PRRC2B: variants seen among roughly 807,000 people sequenced by gnomAD.
PRRC2B encodes protein PRRC2B.
PRRC2B carries 68 observed loss-of-function variants against 242.3 expected under a neutral mutation model. That is an observed-to-expected ratio of 0.28 (90% CI 0.23 to 0.34). PRRC2B has a LOEUF of 0.34. Ranked by LOEUF, PRRC2B falls within the 10% of genes least tolerant of loss-of-function variation. PRRC2B has a pLI of 1.00. For synonymous variants in PRRC2B, 1,228 were observed against 1,173.6 expected (o/e 1.05, Z -0.95); for missense variants, 2,835 against 2,954.8 (o/e 0.96, Z 0.94).
intron 1 of PRRC2B, among the ~76,000 whole-genome samples, chr9:131,405,457 C>A (rs1837335990): frequency 6.6e-6 from 1 of 152,150 alleles, no homozygotes; most frequent in Non-Finnish European, 1.5e-5. Context: ...TGTTAATATT[C>A]ATTGCTGTTG....
At chr9:131,458,665 G>A (rs1943154038) in intron 10 of PRRC2B, among the ~76,000 whole-genome samples, 1 of 152,004 alleles carries the variant, frequency 6.6e-6, no homozygotes, top group Admixed American at 6.6e-5. Context: ...ACCACACCTG[G>A]CTAATTTTTG....
chr9:131,485,278 G>A, intron 25 of PRRC2B, 138 bp downstream of exon 25: 1 of 701,916 alleles, frequency 1.4e-6, no homozygotes, highest in South Asian at 1.9e-5. Context: ...TAGGCCCAGT[G>A]GTCGTAGCTC....
At chr9:131,398,495 G>T (rs191865764) in intron 1 of PRRC2B, among the ~76,000 whole-genome samples, 1 of 152,290 alleles carries the variant, frequency 6.6e-6, no homozygotes, top group East Asian at 1.9e-4. Context: ...ACTTCCTTCC[G>T]TTCTTACCTC....
intron 12 of PRRC2B, among the ~76,000 whole-genome samples, chr9:131,465,547 A>G (rs541840882): frequency 1.3e-4 from 20 of 152,302 alleles, no homozygotes; most frequent in Middle Eastern, 3.4e-3. Context: ...GAAACCATGC[A>G]TCTACTCACT....
chr9:131,388,517 G>T (rs773876508), intron 1 of PRRC2B, among the ~76,000 whole-genome samples: 31 of 149,552 alleles, frequency 2.1e-4, no homozygotes, highest in Non-Finnish European at 4.2e-4. Context: ...TGGGATTACA[G>T]ACGTGTGCCA....
chr9:131,470,385 G>A (rs1447919689), intron 13 of PRRC2B, among the ~76,000 whole-genome samples: 2 of 152,164 alleles, frequency 1.3e-5, no homozygotes, highest in African/African-American at 4.8e-5. Context: ...GGCCTGGAGG[G>A]AGCAGGGAAG....
Position 131,464,884 on chromosome 9 carries a change from G to A in PRRC2B, c.1526G>A (p.Arg509His), listed in dbSNP as rs745494558. The A allele has an allele frequency of 3.1e-6, 5 of 1,613,704 alleles. No homozygotes were observed. Among genetic ancestry groups the A allele is most frequent in the South Asian group, 1.1e-5 (1 of 91,066 alleles). Reference protein sequence around the residue: ...MSEAVERARKRREEEERRARE... With the variant: ...MSEAVERARKHREEEERRARE... ...GAGGCGGTGGAGCGAGCCCGAAAGC[G>A]CCGGGAAGAAGAGGAGCGCCGAGCC... is the stretch of plus-strand genomic sequence containing the variant. The change falls in exon 12 of 32, where the codon CGC becomes CAC. Residue 509 changes from arginine to histidine, a missense_variant. By Grantham distance (29) the Arg-to-His change is conservative. Transcript: ENST00000683519.
At chr9:131,485,431 G>A (rs1438895260) in intron 25 of PRRC2B, among the ~76,000 whole-genome samples, 3 of 152,204 alleles carry the variant, frequency 2.0e-5, no homozygotes, top group Non-Finnish European at 4.4e-5. Context: ...ATGTGCTGGA[G>A]CCGTGTCGCC....
At position 131,475,066 on chromosome 9, in the gene PRRC2B, G is replaced by C. The variant is rs531187839; in HGVS notation, c.2937G>C (p.Gln979His). Residue 979 changes from glutamine to histidine, a missense_variant, in exon 16 of 32, where the codon CAG becomes CAC. Transcript: ENST00000683519. ...ESTRLAKEKE[Q>H]SPTAEKDEDE... ...CCCGGCTGGCCAAGGAGAAGGAGCA[G>C]AGCCCCACGGCAGAAAAGGATGAGG... The C allele has an allele frequency of 1.2e-6, 2 of 1,611,004 alleles. No homozygotes were observed.
rs200587216 is a variant in PRRC2B, at chr9:131,470,300, AG to A, written c.1912-484del. ...GAACCACTGAAGGCTCTTTTGAGCT[AG>A]GGGTTGACATATTGGGCGTGGGGTG... On this transcript the variant is annotated intron_variant, in intron 13 of 31. Coordinates refer to ENST00000683519, the MANE Select transcript of PRRC2B (RefSeq NM_013318.4). Among the ~76,000 whole-genome samples the A allele has an allele frequency of 2.0e-3, 312 of 152,258 alleles. 6 individuals are homozygous for A. In the East Asian group the frequency reaches 0.046, roughly 23 times the overall value.
intron 1 of PRRC2B, among the ~76,000 whole-genome samples, chr9:131,403,388 G>A (rs1447306186): frequency 1.3e-5 from 2 of 151,754 alleles, no homozygotes; most frequent in Non-Finnish European, 2.9e-5. Flanking sequence ...GTCTTGCTCT[G>A]TTGCCCAGGC....
intron 15 of PRRC2B, among the ~76,000 whole-genome samples, chr9:131,473,997 C>T (rs1943615943): frequency 6.6e-6 from 1 of 152,154 alleles, no homozygotes; most frequent in Non-Finnish European, 1.5e-5. Flanking sequence ...GTGGGGGCTT[C>T]ACAAGGCAGG....
In PRRC2B at chr9:131,475,564, C is replaced by T; in HGVS notation, c.3435C>T (p.Pro1145=). The T allele has an allele frequency of 6.2e-7, 1 of 1,612,826 alleles. No individual in the cohort carries two copies. ...HSEGSEYEEL[P]KRRRQRGSEN... is the part of the protein sequence containing the mutation. Reference sequence around the variant, plus strand: ...AGGGCTCAGAGTATGAAGAACTTCCCAAGCGCCGCCGGCAGAGGGGCTCCG... The same window carrying T: ...AGGGCTCAGAGTATGAAGAACTTCCTAAGCGCCGCCGGCAGAGGGGCTCCG... The change falls in exon 16 of 32, where the codon CCC becomes CCT. Residue 1145 remains proline, a synonymous_variant. Coordinates refer to ENST00000683519, the MANE Select transcript of PRRC2B (RefSeq NM_013318.4).
At chr9:131,490,392 C>T (rs2131480986) in intron 28 of PRRC2B, 1 of 512,878 alleles carries the variant, frequency 1.9e-6, no homozygotes, top group Non-Finnish European at 3.9e-6. Flanking sequence ...AGTCAGCACT[C>T]TATAAATGGC....
intron 1 of PRRC2B, among the ~76,000 whole-genome samples, chr9:131,404,790 T>C (rs1837323421): frequency 6.6e-6 from 1 of 152,248 alleles, no homozygotes; most frequent in South Asian, 2.1e-4. Flanking sequence ...TGGGTATACT[T>C]GATTTAACCT....
At chr9:131,394,597 GGGCCGGGCTGCAGA>G (rs1836990617) in intron 1 of PRRC2B, among the ~76,000 whole-genome samples, 1 of 151,074 alleles carries the variant, frequency 6.6e-6, no homozygotes, top group Non-Finnish European at 1.5e-5. Flanking sequence ...CCCCGAGGCC[GGGCCGGGCTGCAGA>G]GGCCGGAGGG....
chr9:131,470,772 C>T lies in PRRC2B; in HGVS notation c.1912-16C>T. On this transcript the variant is annotated splice_polypyrimidine_tract_variant and intron_variant, in intron 13 of 31. Coordinates refer to ENST00000683519, the MANE Select transcript of PRRC2B (RefSeq NM_013318.4). Reference sequence around the variant, plus strand: ...GCCGCACCAGCCTGACCAAGTCTCTCTCTCTCTGTGGGCAGGAGCAGCTGT... The same window carrying T: ...GCCGCACCAGCCTGACCAAGTCTCTTTCTCTCTGTGGGCAGGAGCAGCTGT... The T allele has an allele frequency of 6.2e-7, 1 of 1,608,692 alleles. No individual in the cohort carries two copies. The highest frequency in any genetic ancestry group is 8.5e-7 in the Non-Finnish European group (1 of 1,176,976).
At chr9:131,402,426 A>T (rs575393787) in intron 1 of PRRC2B, among the ~76,000 whole-genome samples, 19 of 152,354 alleles carry the variant, frequency 1.2e-4, no homozygotes, top group African/African-American at 4.6e-4. Flanking sequence ...GTCAGAACTA[A>T]CTTCATTCTT....
chr9:131,409,974 G>A (rs1458903116), intron 1 of PRRC2B, among the ~76,000 whole-genome samples: 1 of 152,220 alleles, frequency 6.6e-6, no homozygotes, highest in African/African-American at 2.4e-5. Context: ...AAAGGAAGGA[G>A]TAACTGAAAG....
Sources: gnomAD v4.1 joint callset for allele counts (sites outside exome capture counted in the v4.1 genomes callset) on GRCh38, gnomAD v4.1.1 for gene constraint, MANE v1.5 for transcripts, NCBI Gene and HGNC (gene_info 2026-07-23, HGNC 2026-07-21) for gene names.